MSI2: variants seen among roughly 807,000 people sequenced by gnomAD.
MSI2 encodes the protein RNA-binding protein Musashi homolog 2.
MSI2 carries 17 observed loss-of-function variants against 45.6 expected under a neutral mutation model. The observed-to-expected ratio is 0.37, with a 90% CI of 0.26 to 0.56. The LOEUF is 0.56. MSI2 is among the 20% of genes least tolerant of loss of function. The pLI, the probability that MSI2 is intolerant of heterozygous loss-of-function variation, is 0.77. For missense variants in MSI2, 293 were observed against 444.2 expected, an observed-to-expected ratio of 0.66 and a Z score of 3.06; for synonymous variants, 156 against 158.2, an observed-to-expected ratio of 0.99 and a Z score of 0.11.
intron 6 of MSI2, among the ~76,000 whole-genome samples, chr17:57,436,873 A>G (rs1379457346): frequency 1.3e-5 from 2 of 152,118 alleles, no homozygotes; most frequent in Admixed American, 1.3e-4. Context: ...GGTTTTAGAG[A>G]AAACATTTTC....
chr17:57,307,365 C>T (rs1912008635), intron 5 of MSI2, among the ~76,000 whole-genome samples: 2 of 152,150 alleles, frequency 1.3e-5, no homozygotes, highest in Non-Finnish European at 2.9e-5. Flanking sequence ...AGCAATTCTG[C>T]TTCTGGACTG....
intron 8 of MSI2, among the ~76,000 whole-genome samples, chr17:57,604,412 C>G (rs554384099): frequency 7.2e-4 from 110 of 152,172 alleles, no homozygotes; most frequent in Admixed American, 1.7e-3. Flanking sequence ...GCAAGTGGTG[C>G]GGGACCTGGG....
chr17:57,288,739 C>T (rs767037694), intron 5 of MSI2, among the ~76,000 whole-genome samples: 3 of 152,082 alleles, frequency 2.0e-5, no homozygotes, highest in East Asian at 1.9e-4. Context: ...GGAGTGTGAG[C>T]GTTTGATTAC....
At chr17:57,643,510 A>G (rs1255893910) in intron 10 of MSI2, among the ~76,000 whole-genome samples, 1 of 152,180 alleles carries the variant, frequency 6.6e-6, no homozygotes, top group Admixed American at 6.5e-5. Context: ...AGTGCTTCCC[A>G]GTTGCAGGGA....
In MSI2 at chr17:57,679,737, A is replaced by C. The variant is rs957646810; in HGVS notation, c.*220A>C. On this transcript the variant is annotated 3_prime_UTR_variant, in exon 14 of 14. Coordinates refer to ENST00000284073, the MANE Select transcript of MSI2 (RefSeq NM_138962.4). Reference sequence around the variant, plus strand: ...GCTGTAATATAAGACAACAGCTTTTAAATGTGTATATAACCCATGATTTCG... The same window carrying C: ...GCTGTAATATAAGACAACAGCTTTTCAATGTGTATATAACCCATGATTTCG... 3 of 406,322 alleles carry C rather than the reference A, an allele frequency of 7.4e-6. No individual in the cohort carries two copies. Among genetic ancestry groups the C allele is most frequent in the African/African-American group, 6.2e-5 (3 of 48,406 alleles). 25.2% of individuals were successfully genotyped at this position (406,322 alleles called of 1,614,324 possible).
At chr17:57,372,615 C>CT (rs770405317) in intron 5 of MSI2, among the ~76,000 whole-genome samples, 5 of 152,120 alleles carry the variant, frequency 3.3e-5, no homozygotes, top group East Asian at 1.9e-4. Flanking sequence ...TTTTCTGTTT[C>CT]TTTTATTACA....
At chr17:57,434,235 C>T (rs139850375) in intron 6 of MSI2, among the ~76,000 whole-genome samples, 1 of 152,028 alleles carries the variant, frequency 6.6e-6, no homozygotes, top group Non-Finnish European at 1.5e-5. Flanking sequence ...AAGTAGCTGG[C>T]ACTACAGGCA....
chr17:57,377,235 A>G (rs999106544), intron 5 of MSI2, among the ~76,000 whole-genome samples: 7 of 152,268 alleles, frequency 4.6e-5, no homozygotes, highest in Non-Finnish European at 8.8e-5. Flanking sequence ...ATACTTTTTT[A>G]ACCTACTTGG....
In MSI2 at chr17:57,472,961, C is replaced by T. The variant is rs371691384; in HGVS notation, c.406-56715C>T. 1.4e-4 allele frequency among the ~76,000 whole-genome samples: 21 copies of T among 151,908 alleles called. No individual in the cohort carries two copies. In the East Asian group the frequency reaches 3.1e-3, roughly 22 times the overall value. Reference sequence around the variant, plus strand: ...AGGCTGGAGTGCAATGGTGTCATCTCGGCTCACTGCAACCTCTGCCTCCCG... The same window carrying T: ...AGGCTGGAGTGCAATGGTGTCATCTTGGCTCACTGCAACCTCTGCCTCCCG... On this transcript the variant is annotated intron_variant, in intron 6 of 13. Transcript: ENST00000284073.
At chr17:57,258,196 A>AGGTC in intron 3 of MSI2, 74 bp from the exon 4 acceptor site, 1 of 1,326,838 alleles carries the variant, frequency 7.5e-7, no homozygotes. Flanking sequence ...ATTCAGCCTT[A>AGGTC]GGTCTCACTC....
chr17:57,599,322 G>A (rs1017374679), intron 8 of MSI2, among the ~76,000 whole-genome samples: 1 of 152,180 alleles, frequency 6.6e-6, no homozygotes, highest in Non-Finnish European at 1.5e-5. Context: ...TCCAGAGAGC[G>A]AAGGAGCATA....
chr17:57,595,557 C>T (rs1203967076), intron 7 of MSI2, among the ~76,000 whole-genome samples: 2 of 152,124 alleles, frequency 1.3e-5, no homozygotes, highest in Admixed American at 6.5e-5. Flanking sequence ...AGCTGCCTTC[C>T]TGTTGCATCC....
intron 5 of MSI2, among the ~76,000 whole-genome samples, chr17:57,367,503 A>AGAG (rs1917279099): frequency 6.6e-6 from 1 of 152,114 alleles, no homozygotes; most frequent in Non-Finnish European, 1.5e-5. Context: ...TGGGCCTTGG[A>AGAG]GAGGCCTTTG....
At chr17:57,474,127 C>T (rs2586235) in intron 6 of MSI2, among the ~76,000 whole-genome samples, 128,888 of 152,002 alleles carry the variant, frequency 0.85, 54,715 homozygotes, top group East Asian at 0.93. Flanking sequence ...ATCTGCAGCA[C>T]CCAGGGCTTT....
At chr17:57,640,990 G>GTATAAAC (rs1290452230) in intron 10 of MSI2, among the ~76,000 whole-genome samples, 1 of 150,138 alleles carries the variant, frequency 6.7e-6, no homozygotes, top group Non-Finnish European at 1.5e-5. Flanking sequence ...GAGTGTAGTG[G>GTATAAAC]TATAAACTAC....
chr17:57,477,147 TGTGTGTGTGTGTG>T (rs909794072), intron 6 of MSI2, among the ~76,000 whole-genome samples: 4 of 8,554 alleles, frequency 4.7e-4, no homozygotes, highest in Non-Finnish European at 7.1e-4. Context: ...TAAGGCCTGG[TGTGTGTGTGTGTG>T]TGTGTGTGTG....
chr17:57,592,502 C>G (rs766237742), intron 7 of MSI2, among the ~76,000 whole-genome samples: 4 of 152,154 alleles, frequency 2.6e-5, no homozygotes. Flanking sequence ...ATATTTTAGA[C>G]ATAATCAAGT....
chr17:57,666,275 C>T (rs1912355609), intron 11 of MSI2, among the ~76,000 whole-genome samples: 1 of 152,206 alleles, frequency 6.6e-6, no homozygotes, highest in African/African-American at 2.4e-5. Flanking sequence ...TGGCATTGGA[C>T]ACATTTCCTA....
chr17:57,548,539 C>T (rs1801794572), intron 7 of MSI2, among the ~76,000 whole-genome samples: 1 of 152,090 alleles, frequency 6.6e-6, no homozygotes, highest in Admixed American at 6.5e-5. Context: ...AGGCTCCGGG[C>T]CTCTAGGGAG....
Sources: gnomAD v4.1 joint callset for allele counts (sites outside exome capture counted in the v4.1 genomes callset) on GRCh38, gnomAD v4.1.1 for gene constraint, MANE v1.5 for transcripts, NCBI Gene and HGNC (gene_info 2026-07-23, HGNC 2026-07-21) for gene names.